RBFOX1: variants seen among roughly 807,000 people sequenced by gnomAD.
RBFOX1 encodes RNA binding protein fox-1 homolog 1.
RBFOX1 carries 8 observed loss-of-function variants against 57.7 expected under a neutral mutation model. The observed-to-expected ratio is 0.14, with a 90% confidence interval of 0.08 to 0.25. The LOEUF (loss-of-function observed/expected upper bound fraction) is 0.25, where lower values mean the gene tolerates loss of function less well. Ranked by LOEUF, RBFOX1 falls within the 10% of genes least tolerant of loss-of-function variation. The probability of loss-of-function intolerance (pLI) is 1.00; values close to 1 mark genes in which losing one functional copy is unlikely to be tolerated. For missense variants in RBFOX1, 611 were observed against 548.5 expected (o/e 1.11, Z -1.14); for synonymous variants, 326 against 222.4 (o/e 1.47, Z -4.15).
At chr16:6,472,625 T>C (rs891114386) in intron 2 of RBFOX1, among the ~76,000 whole-genome samples, 7 of 151,916 alleles carry the variant, frequency 4.6e-5, no homozygotes, top group Admixed American at 4.6e-4. Flanking sequence ...CTTTTTTCTT[T>C]CTTTCTTTTT....
intron 4 of RBFOX1, among the ~76,000 whole-genome samples, chr16:7,309,417 G>T (rs1011719317): frequency 6.6e-6 from 1 of 152,202 alleles, no homozygotes; most frequent in African/African-American, 2.4e-5. Flanking sequence ...GTAAGCATCT[G>T]TTCATCCACA....
At chr16:5,412,577 C>A (rs1319724656) in intron 1 of RBFOX1, among the ~76,000 whole-genome samples, 2 of 152,100 alleles carry the variant, frequency 1.3e-5, no homozygotes. Context: ...CGTGAAGACT[C>A]CCCTGGAAGG....
At chr16:6,203,109 T>C (rs911067871) in intron 1 of RBFOX1, among the ~76,000 whole-genome samples, 1 of 151,700 alleles carries the variant, frequency 6.6e-6, no homozygotes, top group African/African-American at 2.4e-5. Context: ...TAAGAGCACT[T>C]GAAAAAAAAA....
chr16:5,751,468 G>C (rs549958520), intron 3 of RBFOX1, among the ~76,000 whole-genome samples: 2 of 152,184 alleles, frequency 1.3e-5, no homozygotes, highest in African/African-American at 4.8e-5. Context: ...GTAGACTTCT[G>C]CTTAAAATCA....
chr16:6,071,990 C>T (rs1382456427), intron 1 of RBFOX1, among the ~76,000 whole-genome samples: 1 of 152,124 alleles, frequency 6.6e-6, no homozygotes, highest in East Asian at 1.9e-4. Flanking sequence ...TTAGTCAGTT[C>T]TCACATTGCT....
chr16:7,036,590 G>C (rs1383957626), intron 3 of RBFOX1, among the ~76,000 whole-genome samples: 2 of 152,076 alleles, frequency 1.3e-5, no homozygotes, highest in African/African-American at 2.4e-5. Context: ...CTATTCGGGA[G>C]GCTGAGGCTG....
chr16:6,868,384 G>C (rs1567636674), intron 3 of RBFOX1, among the ~76,000 whole-genome samples: 1 of 152,136 alleles, frequency 6.6e-6, no homozygotes, highest in Non-Finnish European at 1.5e-5. Flanking sequence ...AGAAATTTCT[G>C]TAAGTTTTCT....
chr16:6,926,304 C>T (rs1424766715), intron 3 of RBFOX1, among the ~76,000 whole-genome samples: 1 of 152,056 alleles, frequency 6.6e-6, no homozygotes, highest in Non-Finnish European at 1.5e-5. Flanking sequence ...AAGACTCCAT[C>T]TCAAAGAAAA....
chr16:6,707,258 T>A (rs1450367079), intron 3 of RBFOX1, among the ~76,000 whole-genome samples: 1 of 152,172 alleles, frequency 6.6e-6, no homozygotes, highest in Non-Finnish European at 1.5e-5. Flanking sequence ...TCCTCCAATA[T>A]TTGGGAGCTG....
At chr16:7,434,437 A>C (rs1010354746) in intron 4 of RBFOX1, among the ~76,000 whole-genome samples, 1 of 152,012 alleles carries the variant, frequency 6.6e-6, no homozygotes, top group Non-Finnish European at 1.5e-5. Context: ...GCACCACTGC[A>C]CTCCAGCCCG....
intron 3 of RBFOX1, among the ~76,000 whole-genome samples, chr16:5,786,996 C>T (rs1038590256): frequency 5.9e-5 from 9 of 152,046 alleles, no homozygotes; most frequent in South Asian, 2.1e-4. Context: ...ATTAACTGGG[C>T]GCGGTGGCAG....
At chr16:6,858,170 A>G (rs1222097094) in intron 3 of RBFOX1, among the ~76,000 whole-genome samples, 2 of 152,216 alleles carry the variant, frequency 1.3e-5, no homozygotes, top group East Asian at 3.8e-4. Context: ...TGAAGGAAGA[A>G]ATAGCTCACT....
At chr16:7,634,319 C>T (rs1341543110) in intron 11 of RBFOX1, among the ~76,000 whole-genome samples, 1 of 151,832 alleles carries the variant, frequency 6.6e-6, no homozygotes, top group African/African-American at 2.4e-5. Context: ...TGCAAGATAA[C>T]TCTGGAGCTT....
intron 4 of RBFOX1, among the ~76,000 whole-genome samples, chr16:5,975,074 C>A (rs569630755): frequency 2.0e-5 from 3 of 152,166 alleles, no homozygotes; most frequent in Admixed American, 2.0e-4. Flanking sequence ...AAGTTGGCCT[C>A]TTTTTTTAAT....
At chr16:7,006,437 G>C (rs1039412002) in intron 3 of RBFOX1, among the ~76,000 whole-genome samples, 1 of 152,158 alleles carries the variant, frequency 6.6e-6, no homozygotes, top group Non-Finnish European at 1.5e-5. Context: ...ACAGGCTTGA[G>C]CCACTGCGCC....
At chr16:7,491,660 T>C (rs1171152849) in intron 4 of RBFOX1, among the ~76,000 whole-genome samples, 1 of 152,114 alleles carries the variant, frequency 6.6e-6, no homozygotes, top group African/African-American at 2.4e-5. Context: ...AAACAGGGTC[T>C]TGCTCTGTCA....
rs539012867 is a variant in RBFOX1 at position 7,488,826 on chromosome 16, C to T, written c.28-29321C>T. On this transcript the variant is annotated intron_variant, in intron 4 of 15. Transcript: ENST00000550418. ...TTAATCTATCCATCCATCTATCCATCTATACATTCTCACATCCATTATCTA... is the reference window on the plus strand; with the variant it reads ...TTAATCTATCCATCCATCTATCCATTTATACATTCTCACATCCATTATCTA... 7.9e-5 allele frequency among the ~76,000 whole-genome samples: 12 copies of T among 152,310 alleles called. No homozygotes were observed. The South Asian group carries it at 2.5e-3, about 32-fold the overall frequency.
chr16:7,280,947 CCCTACCTA>C lies in RBFOX1; in HGVS notation c.27+228853_27+228860del, dbSNP rs148275289. Among the ~76,000 whole-genome samples the C allele has an allele frequency of 2.0e-3, 240 of 121,608 alleles. 2 individuals carry two copies. Among genetic ancestry groups the C allele is most frequent in the Middle Eastern group, 9.8e-3 (2 of 204 alleles). 79.8% of individuals were successfully genotyped at this position (121,608 alleles called of 152,430 possible). A position where few individuals can be genotyped will look rare whatever the true frequency, so the allele number is the denominator to read the frequency against. ...CCTCTTGAATCAATTGCATGTGATT[CCCTACCTA>C]CCTCCCTCCCTCCCTCCCTCCCTCC... On this transcript the variant is annotated intron_variant, in intron 4 of 15. Coordinates refer to ENST00000550418, the MANE Select transcript of RBFOX1 (RefSeq NM_018723.4).
At chr16:6,660,423 C>T (rs1032713703) in intron 3 of RBFOX1, among the ~76,000 whole-genome samples, 2 of 151,994 alleles carry the variant, frequency 1.3e-5, no homozygotes, top group Admixed American at 6.6e-5. Flanking sequence ...GTAATTCTTG[C>T]ATAGGTAATG....
Sources: allele counts gnomAD v4.1 joint callset (sites outside exome capture counted in the v4.1 genomes callset), GRCh38; gene constraint gnomAD v4.1.1; transcripts MANE v1.5; gene names NCBI Gene and HGNC (gene_info 2026-07-23, HGNC 2026-07-21).